SAMMSON: variants seen among roughly 807,000 people sequenced by gnomAD.
SAMMSON encodes long intergenic non-protein coding RNA 1212.
intron 4 of SAMMSON, among the ~76,000 whole-genome samples, chr3:70,208,892 G>A (rs954536634): frequency 6.6e-6 from 1 of 151,934 alleles, no homozygotes; most frequent in African/African-American, 2.4e-5. Flanking sequence ...CTTGGTTGTG[G>A]TTTCATCCAC....
At chr3:70,031,466 G>A (rs1002849337) in intron 3 of SAMMSON, among the ~76,000 whole-genome samples, 2 of 152,098 alleles carry the variant, frequency 1.3e-5, no homozygotes, top group African/African-American at 2.4e-5. Context: ...ATAGAGCGAT[G>A]GTTGCACAGC....
At chr3:70,285,909 G>T (rs1393079919) in intron 6 of SAMMSON, among the ~76,000 whole-genome samples, 7 of 151,026 alleles carry the variant, frequency 4.6e-5, no homozygotes, top group African/African-American at 1.7e-4. Context: ...GGGGTTGTTT[G>T]TTTTTTTCTT....
chr3:70,396,104 G>A (rs1360904311), intron 2 of SAMMSON, among the ~76,000 whole-genome samples: 1 of 152,082 alleles, frequency 6.6e-6, no homozygotes, highest in African/African-American at 2.4e-5. Flanking sequence ...TAAACATGAG[G>A]ATGAAGGTCT....
chr3:70,319,625 G>A (rs1702521980), intron 7 of SAMMSON, among the ~76,000 whole-genome samples: 1 of 152,014 alleles, frequency 6.6e-6, no homozygotes, highest in Non-Finnish European at 1.5e-5. Context: ...AGTTTTAGAA[G>A]GATAGTAGTT....
intron 3 of SAMMSON, among the ~76,000 whole-genome samples, chr3:70,028,186 CCTTT>C (rs1467823828): frequency 0.023 from 2,343 of 103,836 alleles, 77 homozygotes; most frequent in African/African-American, 0.071. Flanking sequence ...TTCCTTCCTT[CCTTT>C]CTTTCTTTCT....
chr3:70,318,311 C>G (rs1207586235), intron 7 of SAMMSON, among the ~76,000 whole-genome samples: 1 of 151,830 alleles, frequency 6.6e-6, no homozygotes, highest in African/African-American at 2.4e-5. Flanking sequence ...TTTTTTTCCC[C>G]AGTCCCTTTT....
At chr3:70,256,796 A>G (rs935240464) in intron 6 of SAMMSON, among the ~76,000 whole-genome samples, 2 of 152,192 alleles carry the variant, frequency 1.3e-5, no homozygotes, top group Admixed American at 1.3e-4. Context: ...TTCTCTAAAC[A>G]TATGTAATAT....
chr3:70,305,614 T>C (rs192132632), intron 7 of SAMMSON, among the ~76,000 whole-genome samples: 1 of 152,324 alleles, frequency 6.6e-6, no homozygotes, highest in East Asian at 1.9e-4. Flanking sequence ...GTCTCACATG[T>C]TTTCTCTGCG....
chr3:70,047,333 C>CTCTTT (rs1691277814), intron 3 of SAMMSON, among the ~76,000 whole-genome samples: 1 of 143,388 alleles, frequency 7.0e-6, no homozygotes, highest in African/African-American at 2.6e-5. Context: ...CTCTCTCTCT[C>CTCTTT]TTTTTTTTTT....
chr3:70,206,652 G>C (rs1188327432), intron 4 of SAMMSON: 1 of 397,796 alleles, frequency 2.5e-6, no homozygotes, highest in Non-Finnish European at 4.4e-6. Flanking sequence ...GGACAGTGAT[G>C]TGCTGGATTC....
chr3:70,431,486 TA>T (rs1701411884), intron 2 of SAMMSON, among the ~76,000 whole-genome samples: 1 of 151,966 alleles, frequency 6.6e-6, no homozygotes, highest in Non-Finnish European at 1.5e-5. Context: ...AGAAATATAA[TA>T]AAATATTTTA....
chr3:70,283,430 T>G (rs1274683516), intron 6 of SAMMSON, among the ~76,000 whole-genome samples: 2 of 152,082 alleles, frequency 1.3e-5, no homozygotes, highest in Non-Finnish European at 2.9e-5. Flanking sequence ...CTGGATACTG[T>G]AGAATTGTTC....
intron 2 of SAMMSON, among the ~76,000 whole-genome samples, chr3:70,401,094 C>A (rs1701136663): frequency 6.6e-6 from 1 of 151,996 alleles, no homozygotes; most frequent in Non-Finnish European, 1.5e-5. Context: ...GTCTTTATTC[C>A]TTTTGTTTTC....
At chr3:70,072,669 G>GAAAAAAAAAAAAAAAAAAAAAAC (rs1481205670) in intron 4 of SAMMSON, 1 of 128,794 alleles carries the variant, frequency 7.8e-6, no homozygotes, top group East Asian at 2.3e-4. Context: ...AAAAAAAACA[G>GAAAAAAAAAAAAAAAAAAAAAAC]AAAAAAATTT....
chr3:70,023,754 T>C (rs1422617408), intron 3 of SAMMSON, among the ~76,000 whole-genome samples: 1 of 152,230 alleles, frequency 6.6e-6, no homozygotes, highest in African/African-American at 2.4e-5. Context: ...TATTTCGAGC[T>C]CTTGCCATGT....
chr3:70,271,415 A>G (rs903260461), intron 6 of SAMMSON, among the ~76,000 whole-genome samples: 16 of 152,202 alleles, frequency 1.1e-4, no homozygotes, highest in African/African-American at 3.4e-4. Flanking sequence ...ACCATTTGGG[A>G]TGCAGATTCA....
chr3:70,342,800 T>A (rs1168048385), intron 7 of SAMMSON, among the ~76,000 whole-genome samples: 1 of 152,220 alleles, frequency 6.6e-6, no homozygotes, highest in Non-Finnish European at 1.5e-5. Flanking sequence ...TGTTTCTTTT[T>A]GTCTAGGTCT....
intron 9 of SAMMSON, among the ~76,000 whole-genome samples, chr3:70,379,710 CT>C (rs1703049692): frequency 6.6e-6 from 1 of 152,024 alleles, no homozygotes; most frequent in Non-Finnish European, 1.5e-5. Context: ...TTCCCAGCAG[CT>C]TAGCAAAAAA....
chr3:70,097,511 C>T (rs2067327097), intron 4 of SAMMSON, among the ~76,000 whole-genome samples: 1 of 152,166 alleles, frequency 6.6e-6, no homozygotes, highest in Non-Finnish European at 1.5e-5. Context: ...TGATTTGTTG[C>T]CTTCAGCCCA....
Sources: gnomAD v4.1 joint callset for allele counts (sites outside exome capture counted in the v4.1 genomes callset) on GRCh38, gnomAD v4.1.1 for gene constraint, MANE v1.5 for transcripts, NCBI Gene and HGNC (gene_info 2026-07-23, HGNC 2026-07-21) for gene names.